Variants in KLHL28 observed in about 807,000 individuals in gnomAD.
KLHL28 encodes the protein kelch like family member 28.
A neutral mutation model predicts 48.3 loss-of-function variants in KLHL28; 22 were observed. That is an observed-to-expected ratio of 0.46 (90% confidence interval 0.33 to 0.65). KLHL28 has a LOEUF of 0.65. Among genes scored for constraint, KLHL28 ranks in the 30% least tolerant of loss-of-function variants. KLHL28 has a pLI of 0.03. For missense variants in KLHL28, 527 were observed against 704.3 expected, an observed-to-expected ratio of 0.75 and a Z score of 2.85; for synonymous variants, 243 against 242.4, an observed-to-expected ratio of 1.00 and a Z score of -0.02.
At chr14:44,947,166 TAAG>T (rs1435157527) in intron 1 of KLHL28, among the ~76,000 whole-genome samples, 1 of 152,076 alleles carries the variant, frequency 6.6e-6, no homozygotes, top group Non-Finnish European at 1.5e-5. Context: ...ATGTACCTTA[TAAG>T]AAGGCAGAAG....
At chr14:44,956,586 C>G (rs1432327672) in intron 1 of KLHL28, among the ~76,000 whole-genome samples, 3 of 152,012 alleles carry the variant, frequency 2.0e-5, no homozygotes, top group Admixed American at 2.0e-4. Context: ...AAAAACATAC[C>G]GACTGTGAAA....
intron 1 of KLHL28, chr14:44,961,208 G>T (rs749082021): frequency 1.5e-5 from 4 of 274,940 alleles, no homozygotes; most frequent in Non-Finnish European, 2.1e-5. Context: ...AACTTCCACC[G>T]CAAGTGAAAT....
chr14:44,956,620 C>T (rs1884803993), intron 1 of KLHL28, among the ~76,000 whole-genome samples: 1 of 152,118 alleles, frequency 6.6e-6, no homozygotes, highest in Non-Finnish European at 1.5e-5. Context: ...AAACTAAATT[C>T]TTCAACAAAT....
At position 44,936,799 on chromosome 14, in the gene KLHL28, T is replaced by C. The variant is rs73334134; in HGVS notation, c.900-2241A>G. Among the ~76,000 whole-genome samples the C allele has an allele frequency of 3.1e-3, 473 of 152,266 alleles. 3 individuals are homozygous for C. The highest frequency in any genetic ancestry group is 9.5e-3 in the African/African-American group (394 of 41,550). Reference sequence around the variant, plus strand: ...ATGGCGTATTTAAAGGAATGATGACTGTGATGTTTCTCGAATCTAAGCTAG... The same window carrying C: ...ATGGCGTATTTAAAGGAATGATGACCGTGATGTTTCTCGAATCTAAGCTAG... On this transcript the variant is annotated intron_variant, in intron 2 of 4. Transcript: ENST00000396128.
chr14:44,937,428 T>C (rs559557728), intron 2 of KLHL28, among the ~76,000 whole-genome samples: 4 of 152,144 alleles, frequency 2.6e-5, no homozygotes, highest in African/African-American at 9.7e-5. Context: ...ATTACAGGCG[T>C]GATCCACTGT....
At chr14:44,947,877 A>G (rs909416085) in intron 1 of KLHL28, among the ~76,000 whole-genome samples, 1 of 152,180 alleles carries the variant, frequency 6.6e-6, no homozygotes, top group African/African-American at 2.4e-5. Flanking sequence ...AAAATTCTCA[A>G]ATGTTATTGC....
intron 1 of KLHL28, among the ~76,000 whole-genome samples, chr14:44,960,015 T>A (rs1014312010): frequency 2.6e-5 from 4 of 152,218 alleles, no homozygotes; most frequent in Non-Finnish European, 4.4e-5. Context: ...TAAGACGTGA[T>A]GCTGATGAAG....
At chr14:44,952,446 T>G (rs1048616694) in intron 1 of KLHL28, among the ~76,000 whole-genome samples, 2 of 152,186 alleles carry the variant, frequency 1.3e-5, no homozygotes, top group Non-Finnish European at 2.9e-5. Context: ...TAGGCAAAAG[T>G]TCCAGAACCA....
intron 1 of KLHL28, among the ~76,000 whole-genome samples, chr14:44,956,196 A>G (rs75807858): frequency 6.6e-4 from 101 of 152,212 alleles, no homozygotes; most frequent in African/African-American, 2.3e-3. Context: ...CCTGGTCTTA[A>G]GCGATCCTCC....
chr14:44,943,167 G>A (rs1884174181), intron 2 of KLHL28, among the ~76,000 whole-genome samples: 1 of 152,030 alleles, frequency 6.6e-6, no homozygotes, highest in Non-Finnish European at 1.5e-5. Context: ...GAAAATAAGA[G>A]GCAACTGCTC....
chr14:44,961,410 C>A (rs1885089104), intron 1 of KLHL28, among the ~76,000 whole-genome samples: 2 of 152,054 alleles, frequency 1.3e-5, no homozygotes, highest in Admixed American at 1.3e-4. Flanking sequence ...AAAAACAGAC[C>A]TATTTCCATA....
rs745908992 is a variant in KLHL28, at chr14:44,926,326, G to A, written c.*2702C>T. 8 of 151,976 alleles carry A rather than the reference G, an allele frequency of 5.3e-5. No individual in the cohort carries two copies. The highest frequency in any genetic ancestry group is 7.4e-5 in the Non-Finnish European group (5 of 67,998). 9.4% of individuals were successfully genotyped at this position (151,976 alleles called of 1,614,324 possible). A position where few individuals can be genotyped will look rare whatever the true frequency, so the allele number is the denominator to read the frequency against. On this transcript the variant is annotated 3_prime_UTR_variant, in exon 5 of 5. Coordinates refer to ENST00000396128, the MANE Select transcript of KLHL28 (RefSeq NM_017658.5). ...CTGGTGTATGGCTCCTACTACTACTGCCCAAGATATTTCACATTTAGTCTT... is the reference window on the plus strand; with the variant it reads ...CTGGTGTATGGCTCCTACTACTACTACCCAAGATATTTCACATTTAGTCTT...
rs555527959 is a variant in KLHL28 at position 44,925,614 on chromosome 14, T to C, written c.*3414A>G. On this transcript the variant is annotated 3_prime_UTR_variant, in exon 5 of 5. Coordinates refer to ENST00000396128, the MANE Select transcript of KLHL28 (RefSeq NM_017658.5). ...CTCTCTTTGAGTGAAAAAGAGTATA[T>C]CTCTCTAGCTCCCACAGCATCTAAC... is the stretch of plus-strand genomic sequence containing the variant. The C allele has an allele frequency of 8.5e-5, 13 of 152,214 alleles. No homozygotes were observed. The highest frequency in any genetic ancestry group is 3.1e-4 in the African/African-American group (13 of 41,578). The allele number at this position is 152,214 out of a possible 1,614,324, so 9.4% of individuals were successfully genotyped here. A position where few individuals can be genotyped will look rare whatever the true frequency, so the allele number is the denominator to read the frequency against.
chr14:44,930,894 T>A (rs1342449759), intron 4 of KLHL28, among the ~76,000 whole-genome samples: 1 of 152,186 alleles, frequency 6.6e-6, no homozygotes, highest in African/African-American at 2.4e-5. Context: ...AACTCTGAAA[T>A]ACAACCCTTT....
chr14:44,931,730 G>A (rs1353650047), intron 3 of KLHL28, among the ~76,000 whole-genome samples, 189 bp from the exon 4 acceptor site: 1 of 152,168 alleles, frequency 6.6e-6, no homozygotes, highest in Non-Finnish European at 1.5e-5. Flanking sequence ...TGTAAACAAG[G>A]TGCAATTCCA....
rs563564651 is a variant in KLHL28, at chr14:44,928,973, G to A, written c.*55C>T. The A allele has an allele frequency of 2.0e-6, 3 of 1,530,604 alleles. No individual in the cohort carries two copies. The highest frequency in any genetic ancestry group is 2.7e-6 in the Non-Finnish European group (3 of 1,113,964). 94.8% of individuals were successfully genotyped at this position (1,530,604 alleles called of 1,614,324 possible). The stretch of plus-strand genomic sequence containing the variant: ...GGGTTTCAGAAAACTGGGCCATCCG[G>A]ATGTTCATGCAGTACAAGTTTCACC... On this transcript the variant is annotated 3_prime_UTR_variant, in exon 5 of 5. Coordinates refer to ENST00000396128, the MANE Select transcript of KLHL28 (RefSeq NM_017658.5).
intron 2 of KLHL28, among the ~76,000 whole-genome samples, chr14:44,940,722 C>T (rs1483718082): frequency 6.6e-6 from 1 of 152,190 alleles, no homozygotes; most frequent in East Asian, 1.9e-4. Flanking sequence ...CTATTCACAA[C>T]TTTCTATCAT....
In KLHL28 at chr14:44,929,369, T is replaced by C. The variant is rs1035118149; in HGVS notation, c.1553-178A>G. ...TATCTGAGTTTTTGCTTTCCATGCT[T>C]TCAGTTACCTGAAGTCAACCATGAC... On this transcript the variant is annotated intron_variant, in intron 4 of 4. Coordinates refer to ENST00000396128, the MANE Select transcript of KLHL28 (RefSeq NM_017658.5). Among the ~76,000 whole-genome samples the C allele has an allele frequency of 5.9e-5, 9 of 152,296 alleles. No homozygotes were observed. In the South Asian group the frequency reaches 1.5e-3, roughly 25 times the overall value.
chr14:44,937,637 T>C (rs1195483659), intron 2 of KLHL28, among the ~76,000 whole-genome samples: 12 of 152,204 alleles, frequency 7.9e-5, no homozygotes, highest in Admixed American at 2.6e-4. Context: ...GGTCTTTTGA[T>C]GGTGTCTTAG....
Sources: gnomAD v4.1 joint callset for allele counts (sites outside exome capture counted in the v4.1 genomes callset) on GRCh38, gnomAD v4.1.1 for gene constraint, MANE v1.5 for transcripts, NCBI Gene and HGNC (gene_info 2026-07-23, HGNC 2026-07-21) for gene names.